The following GRB2 variants were observed in gnomAD, a reference collection of about 807,000 sequenced individuals.
GRB2 encodes growth factor receptor-bound protein 2.
Under a neutral mutation model 27.4 loss-of-function variants are expected in GRB2, and 2 were observed. The observed-to-expected ratio is 0.07, with a 90% CI of 0.03 to 0.23. The LOEUF (loss-of-function observed/expected upper bound fraction) is 0.23. GRB2 is among the 10% of genes least tolerant of loss of function. The pLI is 1.00. For synonymous variants in GRB2, 94 were observed against 99.6 expected, an observed-to-expected ratio of 0.94 and a Z score of 0.33; for missense variants, 102 against 282.4, an observed-to-expected ratio of 0.36 and a Z score of 4.58.
At chr17:75,390,658 G>A (rs2078992515) in intron 2 of GRB2, among the ~76,000 whole-genome samples, 1 of 152,072 alleles carries the variant, frequency 6.6e-6, no homozygotes. Flanking sequence ...TTTTTCTCTG[G>A]ACAGTAACAG....
At chr17:75,392,189 A>G (rs377282557) in intron 2 of GRB2, among the ~76,000 whole-genome samples, 1 of 152,200 alleles carries the variant, frequency 6.6e-6, no homozygotes, top group Non-Finnish European at 1.5e-5. Context: ...CTAGCTGGGC[A>G]TATTTTCTCT....
intron 3 of GRB2, among the ~76,000 whole-genome samples, chr17:75,330,227 C>T (rs1053142510): frequency 6.6e-6 from 1 of 151,382 alleles, no homozygotes; most frequent in Non-Finnish European, 1.5e-5. Flanking sequence ...ACTAAAAATA[C>T]AAAAATTAGC....
In GRB2 at chr17:75,320,404, G is replaced by A; in HGVS notation, c.618C>T (p.Pro206=). The change falls in exon 6 of 6, where the codon CCC becomes CCT. Residue 206 remains proline, a synonymous_variant. Coordinates refer to ENST00000316804, the MANE Select transcript of GRB2 (RefSeq NM_002086.5). This position sits in a 1 kb window ranked among gnomAD's most constrained non-coding sequence, Gnocchi z 4.3. ...GGTTCACGGGGGTGACATAATTGCG[G>A]GGAAACATGCCGGTCTGCCCGTGGC... The part of the protein sequence containing the change: ...GACHGQTGMF[P]RNYVTPVNRN... The A allele has an allele frequency of 1.2e-6, 2 of 1,614,124 alleles. No individual in the cohort carries two copies. Among genetic ancestry groups the A allele is most frequent in the Non-Finnish European group, 8.5e-7 (1 of 1,179,988 alleles).
chr17:75,383,354 A>G (rs902621711), intron 2 of GRB2, among the ~76,000 whole-genome samples: 1 of 152,206 alleles, frequency 6.6e-6, no homozygotes, highest in African/African-American at 2.4e-5. Context: ...GCTCTGGGAC[A>G]GGGCTGGAAC....
intron 2 of GRB2, among the ~76,000 whole-genome samples, chr17:75,341,477 G>C (rs949000720): frequency 7.6e-6 from 1 of 130,910 alleles, no homozygotes; most frequent in Non-Finnish European, 1.6e-5. Flanking sequence ...AAACACAAAA[G>C]AAAAACAAAG....
intron 2 of GRB2, among the ~76,000 whole-genome samples, chr17:75,339,905 AG>A (rs1217767736): frequency 6.6e-6 from 1 of 152,226 alleles, no homozygotes; most frequent in Admixed American, 6.5e-5. Flanking sequence ...CTGGGATTAC[AG>A]GCGTTAGCCA....
In GRB2 at chr17:75,385,043, A is replaced by AGC. The variant is rs1567874240; in HGVS notation, c.78+8507_78+8508insGC. Among the ~76,000 whole-genome samples, 232 of 84,560 alleles carry AGC rather than the reference A, an allele frequency of 2.7e-3. 4 individuals are homozygous for AGC. The East Asian group carries it at 0.077, about 28-fold the overall frequency. 55.5% of individuals were successfully genotyped at this position (84,560 alleles called of 152,430 possible). A position where few individuals can be genotyped will look rare whatever the true frequency, so the allele number is the denominator to read the frequency against. ...CCTGGCTCTACCAAAAAAAAAAAAA[A>AGC]AAAAAAAAAAAAAAAGCAAACAAAC... is the stretch of plus-strand genomic sequence containing the variant. On this transcript the variant is annotated intron_variant, in intron 2 of 5. Coordinates refer to ENST00000316804, the MANE Select transcript of GRB2 (RefSeq NM_002086.5).
chr17:75,321,424 G>C (rs1355531740), intron 5 of GRB2, among the ~76,000 whole-genome samples: 1 of 152,074 alleles, frequency 6.6e-6, no homozygotes, highest in Non-Finnish European at 1.5e-5. Context: ...AGATCTGCCT[G>C]CCTCGGCCTC....
intron 2 of GRB2, among the ~76,000 whole-genome samples, chr17:75,392,910 A>T (rs2079007562): frequency 6.6e-6 from 1 of 152,170 alleles, no homozygotes; most frequent in African/African-American, 2.4e-5. Context: ...CTTTTCGTGC[A>T]ATTAGAGTTT....
intron 4 of GRB2, among the ~76,000 whole-genome samples, chr17:75,322,250 T>A (rs1180759820): frequency 6.6e-6 from 1 of 151,832 alleles, no homozygotes; most frequent in Non-Finnish European, 1.5e-5. Flanking sequence ...TGCATGCCTG[T>A]AATCCCAGCT....
intron 4 of GRB2, among the ~76,000 whole-genome samples, chr17:75,325,272 T>TA (rs1567856043): frequency 1.2e-5 from 1 of 86,426 alleles, no homozygotes; most frequent in African/African-American, 2.6e-5. Context: ...TAACTGAAAG[T>TA]AAAAAACATG....
intron 2 of GRB2, among the ~76,000 whole-genome samples, chr17:75,342,422 C>A (rs73996031): frequency 1.3e-5 from 2 of 152,038 alleles, no homozygotes; most frequent in Non-Finnish European, 2.9e-5. Context: ...ACAATTTATA[C>A]ATTCTCTCTC....
chr17:75,377,648 T>A (rs2078902870), intron 2 of GRB2, among the ~76,000 whole-genome samples: 1 of 141,950 alleles, frequency 7.0e-6, no homozygotes, highest in Non-Finnish European at 1.5e-5. Context: ...AGTTCACGCC[T>A]GTAATCCCAG....
chr17:75,332,513 C>T (rs916624835), intron 3 of GRB2, among the ~76,000 whole-genome samples, 187 bp downstream of exon 3: 4 of 152,134 alleles, frequency 2.6e-5, no homozygotes, highest in Non-Finnish European at 5.9e-5. Flanking sequence ...CAATCTAAAA[C>T]ATATAATATT....
At chr17:75,363,899 G>C (rs939101958) in intron 2 of GRB2, among the ~76,000 whole-genome samples, 1 of 113,758 alleles carries the variant, frequency 8.8e-6, no homozygotes, top group Non-Finnish European at 1.8e-5. Flanking sequence ...AAAAAAAAAA[G>C]TTTGGCATTC....
Position 75,379,440 on chromosome 17 carries a change from C to T in GRB2, c.78+14111G>A, listed in dbSNP as rs141266830. On this transcript the variant is annotated intron_variant, in intron 2 of 5. Transcript: ENST00000316804. ...GAAAGACAGGGTCACACACTGTCACCCAGGCTGGAGTACAGTGGGGCAAAC... is the reference window on the plus strand; with the variant it reads ...GAAAGACAGGGTCACACACTGTCACTCAGGCTGGAGTACAGTGGGGCAAAC... Among the ~76,000 whole-genome samples the T allele has an allele frequency of 7.0e-3, 1,070 of 151,852 alleles. 17 individuals carry two copies. The highest frequency in any genetic ancestry group is 0.024 in the African/African-American group (973 of 41,404).
rs114332622 is a variant in GRB2, at chr17:75,389,343, C to A, written c.78+4208G>T. 3.0e-3 allele frequency among the ~76,000 whole-genome samples: 456 copies of A among 152,298 alleles called. 4 individuals are homozygous for A. Among genetic ancestry groups the A allele is most frequent in the African/African-American group, 0.011 (440 of 41,548 alleles). On this transcript the variant is annotated intron_variant, in intron 2 of 5. Coordinates refer to ENST00000316804, the MANE Select transcript of GRB2 (RefSeq NM_002086.5). ...AAGTCACAACTCTGCACACACCTGACTGATGTCAGCGCTTGCCAGTTTCAT... is the reference window on the plus strand; with the variant it reads ...AAGTCACAACTCTGCACACACCTGAATGATGTCAGCGCTTGCCAGTTTCAT...
In GRB2 at chr17:75,320,582, A is replaced by T; in HGVS notation, c.469-29T>A. On this transcript the variant is annotated intron_variant, in intron 5 of 5. Coordinates refer to ENST00000316804, the MANE Select transcript of GRB2 (RefSeq NM_002086.5). The surrounding 1 kb of genome is among the most constrained non-coding windows in gnomAD (Gnocchi z 4.3). ...CAAAACAGGAGCAGGAAAAACCCACATTGCATTCCTGGTCTGTGACTGGCC... is the reference window on the plus strand; with the variant it reads ...CAAAACAGGAGCAGGAAAAACCCACTTTGCATTCCTGGTCTGTGACTGGCC... The T allele has an allele frequency of 6.3e-7, 1 of 1,590,050 alleles. No homozygotes were observed. The highest frequency in any genetic ancestry group is 1.1e-5 in the South Asian group (1 of 90,568).
At chr17:75,332,907 A>T in intron 2 of GRB2, 110 bp from the exon 3 acceptor site, 1 of 655,892 alleles carries the variant, frequency 1.5e-6, no homozygotes, top group Admixed American at 2.9e-5. Flanking sequence ...TTTCACTCGA[A>T]GTATTATCAG....
Sources: allele counts gnomAD v4.1 joint callset (sites outside exome capture counted in the v4.1 genomes callset), GRCh38; gene constraint gnomAD v4.1.1; non-coding constraint Gnocchi (gnomAD v3.1); transcripts MANE v1.5; gene names NCBI Gene and HGNC (gene_info 2026-07-23, HGNC 2026-07-21).